KCNQ5: variants seen among roughly 807,000 people sequenced by gnomAD.
The protein encoded by KCNQ5 is potassium voltage-gated channel subfamily KQT member 5.
KCNQ5 carries 30 observed loss-of-function variants against 98.2 expected under a neutral mutation model. The ratio of observed to expected loss-of-function variants is 0.31; its 90% CI spans 0.23 to 0.41. The LOEUF is 0.41. KCNQ5 is among the 10% of genes least tolerant of loss of function. The pLI, the probability that KCNQ5 is intolerant of heterozygous loss-of-function variation, is 1.00. For missense variants in KCNQ5, 835 were observed against 1,182.5 expected (o/e 0.71, Z 4.31); for synonymous variants, 458 against 449.4 (o/e 1.02, Z -0.24).
intron 2 of KCNQ5, among the ~76,000 whole-genome samples, chr6:73,014,111 T>G (rs1770205813): frequency 6.6e-6 from 1 of 152,130 alleles, no homozygotes; most frequent in Non-Finnish European, 1.5e-5. Context: ...AAGTTTTGTT[T>G]GGTTTGTTTT....
intron 1 of KCNQ5, among the ~76,000 whole-genome samples, chr6:72,827,058 A>G (rs1776031525): frequency 6.6e-6 from 1 of 152,106 alleles, no homozygotes; most frequent in South Asian, 2.1e-4. Flanking sequence ...ATAGGAATTC[A>G]TTCTTTTTAT....
chr6:72,723,618 C>A lies in KCNQ5; in HGVS notation c.398+101031C>A, dbSNP rs543545167. Among the ~76,000 whole-genome samples, 42 of 152,246 alleles carry A rather than the reference C, an allele frequency of 2.8e-4. No homozygotes were observed. In the South Asian group the frequency reaches 5.4e-3, roughly 20 times the overall value. ...AAGCCTGCCTAGGAACCTCTATTCT[C>A]CCCTCACTTTTTTTGCTTCTTTCTT... On this transcript the variant is annotated intron_variant, in intron 1 of 13. Transcript: ENST00000370398.
At chr6:72,967,366 T>C (rs925570854) in intron 1 of KCNQ5, among the ~76,000 whole-genome samples, 1 of 152,194 alleles carries the variant, frequency 6.6e-6, no homozygotes, top group Non-Finnish European at 1.5e-5. Flanking sequence ...TTTTAAGATG[T>C]ACATCTTAAA....
chr6:72,734,383 A>T (rs1414960125), intron 1 of KCNQ5, among the ~76,000 whole-genome samples: 1 of 151,830 alleles, frequency 6.6e-6, no homozygotes, highest in Non-Finnish European at 1.5e-5. Flanking sequence ...GTGCAGTGGT[A>T]TGATCTCGGC....
intron 1 of KCNQ5, among the ~76,000 whole-genome samples, chr6:72,842,172 A>G (rs147816969): frequency 6.6e-6 from 1 of 152,284 alleles, no homozygotes; most frequent in East Asian, 1.9e-4. Context: ...AAACATTGGA[A>G]GTCGATGGGA....
At chr6:73,122,569 T>C (rs865992558) in intron 8 of KCNQ5, among the ~76,000 whole-genome samples, 1 of 152,200 alleles carries the variant, frequency 6.6e-6, no homozygotes, top group Non-Finnish European at 1.5e-5. Context: ...CTCCATTGAA[T>C]GAAGAACAGT....
chr6:72,670,016 T>G (rs186828931), intron 1 of KCNQ5, among the ~76,000 whole-genome samples: 2 of 151,998 alleles, frequency 1.3e-5, no homozygotes, highest in Admixed American at 1.3e-4. Flanking sequence ...CTCTTTCCTC[T>G]TGAATTTGAC....
At chr6:72,665,109 AG>A (rs1183216341) in intron 1 of KCNQ5, among the ~76,000 whole-genome samples, 1 of 152,120 alleles carries the variant, frequency 6.6e-6, no homozygotes, top group Middle Eastern at 3.2e-3. Flanking sequence ...GCACTTTGGG[AG>A]GCCACGGTAG....
chr6:73,006,376 G>T (rs1769813859), intron 2 of KCNQ5, among the ~76,000 whole-genome samples: 1 of 152,054 alleles, frequency 6.6e-6, no homozygotes, highest in Non-Finnish European at 1.5e-5. Flanking sequence ...GCAAGACCAG[G>T]CACAGTGACT....
At chr6:72,883,426 T>TA (rs966864485) in intron 1 of KCNQ5, among the ~76,000 whole-genome samples, 10 of 151,962 alleles carry the variant, frequency 6.6e-5, no homozygotes, top group African/African-American at 1.7e-4. Context: ...CATGCTCTAT[T>TA]AAAAAAAATC....
At chr6:73,090,485 T>C (rs190812440) in intron 5 of KCNQ5, among the ~76,000 whole-genome samples, 29 of 152,342 alleles carry the variant, frequency 1.9e-4, no homozygotes, top group African/African-American at 6.5e-4. Context: ...AATCCTTGCC[T>C]AACTCAATGT....
At chr6:72,722,671 A>G (rs977060583) in intron 1 of KCNQ5, among the ~76,000 whole-genome samples, 3 of 152,154 alleles carry the variant, frequency 2.0e-5, no homozygotes, top group Non-Finnish European at 4.4e-5. Context: ...CCTTCGGCAT[A>G]GCTCGGATTA....
intron 1 of KCNQ5, among the ~76,000 whole-genome samples, chr6:72,840,612 G>GC (rs1380268678): frequency 6.6e-6 from 1 of 151,988 alleles, no homozygotes; most frequent in Non-Finnish European, 1.5e-5. Context: ...CACTCTCCAA[G>GC]CCCCCCGGCT....
chr6:72,981,453 T>C (rs1768444774), intron 1 of KCNQ5, among the ~76,000 whole-genome samples: 1 of 152,310 alleles, frequency 6.6e-6, no homozygotes, highest in African/African-American at 2.4e-5. Context: ...CAGAGAGGTG[T>C]TTATAGTATT....
At chr6:72,730,079 C>T (rs1037243430) in intron 1 of KCNQ5, among the ~76,000 whole-genome samples, 2 of 152,140 alleles carry the variant, frequency 1.3e-5, no homozygotes, top group African/African-American at 4.8e-5. Context: ...ATCACTTGAG[C>T]TCAGTACTTC....
chr6:72,725,860 T>G (rs768948398), intron 1 of KCNQ5, among the ~76,000 whole-genome samples: 19 of 152,204 alleles, frequency 1.2e-4, no homozygotes, highest in Non-Finnish European at 2.5e-4. Flanking sequence ...TAGTGTCTTT[T>G]ATTCTTAGTA....
At chr6:73,097,541 A>C (rs930244435) in intron 5 of KCNQ5, among the ~76,000 whole-genome samples, 4 of 152,174 alleles carry the variant, frequency 2.6e-5, no homozygotes, top group Admixed American at 2.0e-4. Flanking sequence ...CAAAATAAGG[A>C]TGCCCACTTG....
At chr6:73,060,408 T>G (rs756663098) in intron 3 of KCNQ5, among the ~76,000 whole-genome samples, 3 of 152,100 alleles carry the variant, frequency 2.0e-5, no homozygotes, top group Non-Finnish European at 4.4e-5. Flanking sequence ...GATTCCAAGA[T>G]AAACTCCAAA....
At chr6:72,691,687 C>T (rs1246200842) in intron 1 of KCNQ5, among the ~76,000 whole-genome samples, 1 of 152,184 alleles carries the variant, frequency 6.6e-6, no homozygotes, top group African/African-American at 2.4e-5. Context: ...AACTGCCTGG[C>T]ATTTTGGACA....
Sources: allele counts gnomAD v4.1 joint callset (sites outside exome capture counted in the v4.1 genomes callset), GRCh38; gene constraint gnomAD v4.1.1; transcripts MANE v1.5; gene names NCBI Gene and HGNC (gene_info 2026-07-23, HGNC 2026-07-21).